GALNT17: variants seen among roughly 807,000 people sequenced by gnomAD.
GALNT17 encodes the protein UDP-GalNAc:polypeptide N-acetylgalactosaminyltransferase-like 3.
GALNT17 carries 29 observed loss-of-function variants against 63.7 expected under a neutral mutation model. That is an observed-to-expected ratio of 0.46 (90% CI 0.34 to 0.62). GALNT17 has a LOEUF of 0.62. GALNT17 is among the 20% of genes least tolerant of loss of function. GALNT17 has a pLI of 0.01. For synonymous variants in GALNT17, 305 were observed against 318.3 expected (o/e 0.96, Z 0.45); for missense variants, 603 against 799.6 (o/e 0.75, Z 2.97).
intron 5 of GALNT17, among the ~76,000 whole-genome samples, chr7:71,459,297 G>A (rs1366677772): frequency 6.6e-6 from 1 of 152,142 alleles, no homozygotes; most frequent in Non-Finnish European, 1.5e-5. Context: ...GAAACAGCTG[G>A]GCTGATTACA....
chr7:71,478,555 A>G (rs961335089), intron 5 of GALNT17, among the ~76,000 whole-genome samples: 3 of 152,006 alleles, frequency 2.0e-5, no homozygotes, highest in African/African-American at 7.3e-5. Context: ...GGCTCAACCT[A>G]TCCTCCCACC....
chr7:71,217,145 G>GTTT (rs1197080765), intron 1 of GALNT17, among the ~76,000 whole-genome samples: 3 of 122,750 alleles, frequency 2.4e-5, no homozygotes, highest in African/African-American at 3.3e-5. Context: ...TTCGTGTTTT[G>GTTT]TTTTTTTTTT....
In GALNT17 at chr7:71,293,973, C is replaced by T. The variant is rs189918032; in HGVS notation, c.239-41577C>T. 5.9e-5 allele frequency among the ~76,000 whole-genome samples: 9 copies of T among 152,214 alleles called. No homozygotes were observed. In the East Asian group the frequency reaches 1.7e-3, roughly 30 times the overall value. ...AGGAGATGGAGACCATCCTGGCTAA[C>T]ACGGTAAAACCCCGTCTCTACTAAA... On this transcript the variant is annotated intron_variant, in intron 1 of 10. Coordinates refer to ENST00000333538, the MANE Select transcript of GALNT17 (RefSeq NM_022479.3).
At chr7:71,194,781 C>G (rs1789015316) in intron 1 of GALNT17, among the ~76,000 whole-genome samples, 1 of 152,160 alleles carries the variant, frequency 6.6e-6, no homozygotes, top group African/African-American at 2.4e-5. Flanking sequence ...TTGGTTACTC[C>G]CTTTAATTAA....
intron 1 of GALNT17, among the ~76,000 whole-genome samples, chr7:71,134,848 T>G (rs1224160643): frequency 8.3e-6 from 1 of 120,784 alleles, no homozygotes; most frequent in Non-Finnish European, 1.7e-5. Context: ...TTTTTTTTTT[T>G]TTTTTTTTTT....
intron 2 of GALNT17, among the ~76,000 whole-genome samples, chr7:71,377,459 C>T (rs907110749): frequency 3.9e-5 from 6 of 152,026 alleles, no homozygotes; most frequent in African/African-American, 1.4e-4. Context: ...AGTCACTGGC[C>T]TGTGACCATG....
chr7:71,176,250 G>T (rs534494128), intron 1 of GALNT17, among the ~76,000 whole-genome samples: 11 of 152,128 alleles, frequency 7.2e-5, no homozygotes, highest in Middle Eastern at 6.8e-3. Context: ...CGCCGCTGTC[G>T]CCCCGTTCTG....
intron 1 of GALNT17, among the ~76,000 whole-genome samples, chr7:71,140,627 T>C (rs1443385124): frequency 6.6e-6 from 1 of 152,112 alleles, no homozygotes; most frequent in Non-Finnish European, 1.5e-5. Flanking sequence ...GGTAATTACT[T>C]AGAGCTAAGA....
At chr7:71,631,171 G>A (rs753738256) in intron 6 of GALNT17, among the ~76,000 whole-genome samples, 46 of 151,918 alleles carry the variant, frequency 3.0e-4, no homozygotes, top group African/African-American at 1.1e-3. Flanking sequence ...AAGTGTTTAA[G>A]TAGTAAATCT....
chr7:71,500,795 A>G (rs1404853238), intron 5 of GALNT17, among the ~76,000 whole-genome samples: 3 of 152,034 alleles, frequency 2.0e-5, no homozygotes, highest in African/African-American at 7.2e-5. Flanking sequence ...GCCGTTCACC[A>G]TGTGGCCATG....
intron 5 of GALNT17, among the ~76,000 whole-genome samples, chr7:71,539,484 A>C (rs1423047913): frequency 6.6e-6 from 1 of 152,176 alleles, no homozygotes; most frequent in East Asian, 1.9e-4. Context: ...TGCCTTTACA[A>C]AGATGTGTGT....
At chr7:71,220,306 T>G (rs1789560187) in intron 1 of GALNT17, among the ~76,000 whole-genome samples, 1 of 152,178 alleles carries the variant, frequency 6.6e-6, no homozygotes, top group African/African-American at 2.4e-5. Flanking sequence ...GTTAGACCTT[T>G]CAAAAGGCCA....
chr7:71,298,173 A>G (rs1182232033), intron 1 of GALNT17, among the ~76,000 whole-genome samples: 2 of 152,108 alleles, frequency 1.3e-5, no homozygotes, highest in Non-Finnish European at 1.5e-5. Context: ...GGCGTGCGCC[A>G]CCATGCCTGG....
intron 1 of GALNT17, among the ~76,000 whole-genome samples, chr7:71,263,694 C>T (rs963984555): frequency 2.5e-4 from 38 of 152,000 alleles, no homozygotes; most frequent in Non-Finnish European, 3.5e-4. Context: ...GAGGCCAAGG[C>T]GGGCGGATCA....
At chr7:71,276,250 C>T (rs1262770605) in intron 1 of GALNT17, among the ~76,000 whole-genome samples, 2 of 152,074 alleles carry the variant, frequency 1.3e-5, no homozygotes, top group Non-Finnish European at 2.9e-5. Flanking sequence ...GGGGGTGGTC[C>T]ATAAGAGTGA....
At chr7:71,136,547 G>T (rs1170850619) in intron 1 of GALNT17, among the ~76,000 whole-genome samples, 1 of 151,910 alleles carries the variant, frequency 6.6e-6, no homozygotes, top group African/African-American at 2.4e-5. Flanking sequence ...GTGCAGTGGT[G>T]CGATCTCCGC....
At chr7:71,450,273 T>C (rs1387430733) in intron 5 of GALNT17, among the ~76,000 whole-genome samples, 1 of 151,894 alleles carries the variant, frequency 6.6e-6, no homozygotes, top group Non-Finnish European at 1.5e-5. Context: ...GTAGTGGCAT[T>C]ACAGGCATGT....
chr7:71,452,653 C>T (rs962365661), intron 5 of GALNT17, among the ~76,000 whole-genome samples: 19 of 152,116 alleles, frequency 1.2e-4, no homozygotes, highest in Admixed American at 1.1e-3. Context: ...AGTTGGTATG[C>T]ATTTAAAAAA....
chr7:71,316,038 G>C (rs116196473), intron 1 of GALNT17, among the ~76,000 whole-genome samples: 60 of 152,282 alleles, frequency 3.9e-4, no homozygotes, highest in African/African-American at 1.4e-3. Flanking sequence ...CTTATGTAAG[G>C]TAATGCAACA....
Sources: allele counts gnomAD v4.1 joint callset (sites outside exome capture counted in the v4.1 genomes callset), GRCh38; gene constraint gnomAD v4.1.1; transcripts MANE v1.5; gene names NCBI Gene and HGNC (gene_info 2026-07-23, HGNC 2026-07-21).